The following EPHA6 variants were observed in gnomAD, a reference collection of about 807,000 sequenced individuals.
The protein encoded by EPHA6 is ephrin type-A receptor 6.
A neutral mutation model predicts 112.0 loss-of-function variants in EPHA6; 50 were observed. That is an observed-to-expected ratio of 0.45 (90% CI 0.36 to 0.56). The LOEUF (loss-of-function observed/expected upper bound fraction) is 0.56. Among genes scored for constraint, EPHA6 ranks in the 20% least tolerant of loss-of-function variants. The pLI, the probability that EPHA6 is intolerant of heterozygous loss-of-function variation, is 0.00. For missense variants in EPHA6, 1,280 were observed against 1,417.4 expected, an observed-to-expected ratio of 0.90 and a Z score of 1.56; for synonymous variants, 529 against 490.7, an observed-to-expected ratio of 1.08 and a Z score of -1.03.
At chr3:97,430,274 T>C (rs1477096595) in intron 6 of EPHA6, among the ~76,000 whole-genome samples, 1 of 152,106 alleles carries the variant, frequency 6.6e-6, no homozygotes, top group Non-Finnish European at 1.5e-5. Flanking sequence ...TTTGAAGTGA[T>C]TTAATGAATA....
chr3:97,587,945 T>G (rs1291630563), intron 11 of EPHA6, among the ~76,000 whole-genome samples: 1 of 152,162 alleles, frequency 6.6e-6, no homozygotes, highest in Non-Finnish European at 1.5e-5. Flanking sequence ...GGCATTTTTC[T>G]CACTGTTTTA....
At chr3:97,239,239 A>G (rs1374779831) in intron 4 of EPHA6, among the ~76,000 whole-genome samples, 1 of 151,946 alleles carries the variant, frequency 6.6e-6, no homozygotes, top group Non-Finnish European at 1.5e-5. Flanking sequence ...CTCTAATAGC[A>G]TTATTTAAGG....
At chr3:97,033,323 A>G (rs2044950386) in intron 3 of EPHA6, among the ~76,000 whole-genome samples, 1 of 152,036 alleles carries the variant, frequency 6.6e-6, no homozygotes, top group Non-Finnish European at 1.5e-5. Context: ...AAACTTGTAG[A>G]AAATAATGTA....
Position 97,588,207 on chromosome 3 carries a change from AC to A in EPHA6, c.2387-4399del, listed in dbSNP as rs143689233. ...CATCTTCCATGCACTCTGTTGGTATACCCCCCTGCCCAATTTTGGAAAACAC... is the reference window on the plus strand; with the variant it reads ...CATCTTCCATGCACTCTGTTGGTATACCCCCTGCCCAATTTTGGAAAACAC... On this transcript the variant is annotated intron_variant, in intron 11 of 17. Transcript: ENST00000389672. Among the ~76,000 whole-genome samples the A allele has an allele frequency of 5.4e-3, 817 of 152,206 alleles. 8 individuals are homozygous for A. Among genetic ancestry groups the A allele is most frequent in the African/African-American group, 0.019 (787 of 41,518 alleles).
chr3:97,241,192 C>G (rs1479699136), intron 4 of EPHA6, among the ~76,000 whole-genome samples: 1 of 150,652 alleles, frequency 6.6e-6, no homozygotes, highest in Non-Finnish European at 1.5e-5. Flanking sequence ...AAAAAAAAAG[C>G]TAGTGGAAAA....
chr3:97,475,537 T>G (rs1184706225), intron 8 of EPHA6, 77 bp downstream of exon 8: 1 of 1,061,614 alleles, frequency 9.4e-7, no homozygotes, highest in Non-Finnish European at 1.4e-6. Context: ...TCAAATGCTT[T>G]TAGATATAAC....
At chr3:97,528,402 T>G (rs2092652887) in intron 10 of EPHA6, among the ~76,000 whole-genome samples, 1 of 152,094 alleles carries the variant, frequency 6.6e-6, no homozygotes, top group Non-Finnish European at 1.5e-5. Flanking sequence ...AAGCTCAGCC[T>G]TTATCACTAA....
rs182971792 is a variant in EPHA6, at chr3:97,506,366, G to A, written c.2200+22307G>A. ...TCTTGAGTTAATTTTTGTATAAAGT[G>A]TAAGGAAGGGGTCCAGTTTCAGTTT... On this transcript the variant is annotated intron_variant, in intron 10 of 17. Coordinates refer to ENST00000389672, the MANE Select transcript of EPHA6 (RefSeq NM_001080448.3). Among the ~76,000 whole-genome samples the A allele has an allele frequency of 8.5e-5, 13 of 152,276 alleles. No individual in the cohort carries two copies. In the East Asian group the frequency reaches 2.5e-3, roughly 29 times the overall value.
At chr3:97,458,062 C>A (rs540377782) in intron 7 of EPHA6, among the ~76,000 whole-genome samples, 2 of 87,830 alleles carry the variant, frequency 2.3e-5, no homozygotes, top group Non-Finnish European at 4.1e-5. Flanking sequence ...TGCGAGACTC[C>A]GTCTCAAAAA....
intron 5 of EPHA6, among the ~76,000 whole-genome samples, chr3:97,259,380 A>T (rs184189285): frequency 3.1e-4 from 47 of 152,180 alleles, no homozygotes; most frequent in Non-Finnish European, 2.1e-4. Context: ...TGTTTTTATC[A>T]TAAATGTATT....
intron 5 of EPHA6, among the ~76,000 whole-genome samples, chr3:97,290,614 G>A (rs1223871855): frequency 6.6e-6 from 1 of 151,958 alleles, no homozygotes; most frequent in African/African-American, 2.4e-5. Context: ...ATCTTGGTTG[G>A]TTGTGTTATC....
intron 6 of EPHA6, among the ~76,000 whole-genome samples, chr3:97,434,252 A>G (rs936612180): frequency 1.3e-5 from 2 of 152,166 alleles, no homozygotes; most frequent in South Asian, 4.1e-4. Context: ...TCCAAGCCCT[A>G]TCAGTAATTT....
At chr3:97,506,323 A>AT (rs1383168172) in intron 10 of EPHA6, among the ~76,000 whole-genome samples, 2 of 152,190 alleles carry the variant, frequency 1.3e-5, no homozygotes, top group African/African-American at 4.8e-5. Flanking sequence ...TAGGTCTTAC[A>AT]TTTAAGTCTT....
At chr3:97,066,433 C>T (rs1223446137) in intron 3 of EPHA6, among the ~76,000 whole-genome samples, 1 of 151,770 alleles carries the variant, frequency 6.6e-6, no homozygotes, top group Non-Finnish European at 1.5e-5. Context: ...GTCATTTATA[C>T]TATTGACTTC....
intron 5 of EPHA6, among the ~76,000 whole-genome samples, chr3:97,332,274 A>G (rs1320418920): frequency 1.3e-5 from 2 of 151,898 alleles, no homozygotes; most frequent in Non-Finnish European, 1.5e-5. Context: ...AATAAGAGCT[A>G]TCTATGACAA....
intron 11 of EPHA6, among the ~76,000 whole-genome samples, chr3:97,546,042 T>A (rs1177234503): frequency 6.6e-6 from 1 of 152,240 alleles, no homozygotes; most frequent in Admixed American, 6.5e-5. Flanking sequence ...GTGCTTTTAA[T>A]TGGAGCATTT....
chr3:96,824,844 T>C (rs1053964986), intron 1 of EPHA6, among the ~76,000 whole-genome samples: 16 of 151,982 alleles, frequency 1.1e-4, no homozygotes, highest in Non-Finnish European at 2.2e-4. Context: ...TAGCCACGAT[T>C]TGTGTGACTC....
chr3:96,967,682 TTGTG>T (rs149291564), intron 2 of EPHA6, among the ~76,000 whole-genome samples: 2 of 149,274 alleles, frequency 1.3e-5, no homozygotes, highest in Non-Finnish European at 3.0e-5. Flanking sequence ...TGAGTAACAG[TTGTG>T]TGTGTGTGTG....
At chr3:97,216,843 GT>G in intron 3 of EPHA6, among the ~76,000 whole-genome samples, 1 of 152,148 alleles carries the variant, frequency 6.6e-6, no homozygotes, top group Non-Finnish European at 1.5e-5. Context: ...ACTAGATATA[GT>G]AGATAGGAAA....
Sources: gnomAD v4.1 joint callset for allele counts (sites outside exome capture counted in the v4.1 genomes callset) on GRCh38, gnomAD v4.1.1 for gene constraint, MANE v1.5 for transcripts, NCBI Gene and HGNC (gene_info 2026-07-23, HGNC 2026-07-21) for gene names.